APLF: variants seen among roughly 807,000 people sequenced by gnomAD.
APLF encodes aprataxin and PNKP like factor, also known as aprataxin and PNK-like factor.
In APLF, 61 loss-of-function variants were observed where a neutral mutation model predicts 55.6. The ratio of observed to expected loss-of-function variants is 1.10; its 90% CI spans 0.89 to 1.36. The LOEUF (loss-of-function observed/expected upper bound fraction) is 1.36. Ranked by LOEUF, APLF falls within the 40% of genes most tolerant of loss-of-function variation. The pLI, the probability that APLF is intolerant of heterozygous loss-of-function variation, is 0.00. For missense variants in APLF, 611 were observed against 602.5 expected, an observed-to-expected ratio of 1.01 and a Z score of -0.15; for synonymous variants, 207 against 214.8, an observed-to-expected ratio of 0.96 and a Z score of 0.32.
At chr2:68,565,122 A>T (rs1009094378) in intron 8 of APLF, among the ~76,000 whole-genome samples, 2 of 152,130 alleles carry the variant, frequency 1.3e-5, no homozygotes, top group African/African-American at 4.8e-5. Context: ...CAAAGATTCC[A>T]GGGTTATCAG....
At chr2:68,492,884 T>C (rs2103912626) in intron 2 of APLF, among the ~76,000 whole-genome samples, 1 of 152,330 alleles carries the variant, frequency 6.6e-6, no homozygotes, top group South Asian at 2.1e-4. Flanking sequence ...TTGTAAACTT[T>C]CCCATAAATG....
At chr2:68,570,110 G>A (rs960572177) in intron 9 of APLF, among the ~76,000 whole-genome samples, 2 of 151,724 alleles carry the variant, frequency 1.3e-5, no homozygotes, top group South Asian at 2.1e-4. Flanking sequence ...AGTTTATATA[G>A]TGCATTCTGT....
chr2:68,481,830 G>A (rs1675968109), intron 1 of APLF, among the ~76,000 whole-genome samples: 1 of 151,870 alleles, frequency 6.6e-6, no homozygotes, highest in South Asian at 2.1e-4. Flanking sequence ...GGTTATTTCA[G>A]AAGACTTGTC....
At position 68,469,305 on chromosome 2, in the gene APLF, C is replaced by T. The variant is rs569295609; in HGVS notation, c.96+1478C>T. Among the ~76,000 whole-genome samples the T allele has an allele frequency of 3.9e-5, 6 of 152,148 alleles. No individual in the cohort carries two copies. In the South Asian group the frequency reaches 1.0e-3, roughly 26 times the overall value. On this transcript the variant is annotated intron_variant, in intron 1 of 9. Coordinates refer to ENST00000303795, the MANE Select transcript of APLF (RefSeq NM_173545.3). ...AGTTTTGACTTGCTTAAGAAATTGT[C>T]ACCAGTAGAGTACTGTGGGTCTGGT...
intron 8 of APLF, among the ~76,000 whole-genome samples, chr2:68,552,339 C>T (rs939560575): frequency 4.6e-5 from 7 of 152,108 alleles, no homozygotes; most frequent in Admixed American, 3.9e-4. Context: ...TCCAGATGGT[C>T]ATGACAACTC....
intron 5 of APLF, chr2:68,515,672 G>A (rs1157216738): frequency 1.1e-5 from 11 of 983,000 alleles, no homozygotes; most frequent in South Asian, 4.7e-5. Flanking sequence ...CTGGAATATC[G>A]CATGTGTACA....
intron 3 of APLF, among the ~76,000 whole-genome samples, chr2:68,508,353 A>C (rs1338704849): frequency 6.6e-6 from 1 of 151,864 alleles, no homozygotes; most frequent in African/African-American, 2.4e-5. Context: ...CAAGACAATT[A>C]AATGGGGGAA....
At chr2:68,489,495 A>T (rs1676289751) in intron 1 of APLF, among the ~76,000 whole-genome samples, 1 of 152,258 alleles carries the variant, frequency 6.6e-6, no homozygotes, top group Non-Finnish European at 1.5e-5. Context: ...AGCATTTAAC[A>T]TGCAAACAAT....
chr2:68,513,844 AC>A (rs1324754145), intron 5 of APLF, among the ~76,000 whole-genome samples, 164 bp downstream of exon 5: 1 of 151,784 alleles, frequency 6.6e-6, no homozygotes, highest in Non-Finnish European at 1.5e-5. Flanking sequence ...GAAGTCTAAA[AC>A]ATAGGCTATT....
chr2:68,517,001 T>C (rs1341212078), intron 5 of APLF, among the ~76,000 whole-genome samples: 1 of 124,776 alleles, frequency 8.0e-6, no homozygotes, highest in Non-Finnish European at 1.6e-5. Context: ...ATAATATATG[T>C]TAATATATAA....
intron 6 of APLF, among the ~76,000 whole-genome samples, chr2:68,530,461 G>A (rs1430105901): frequency 6.2e-3 from 915 of 147,886 alleles, no homozygotes; most frequent in African/African-American, 0.015. Flanking sequence ...GTTCTTTCTC[G>A]TCTGATGGGA....
chr2:68,539,946 T>C (rs565747442), intron 7 of APLF, among the ~76,000 whole-genome samples: 16 of 151,978 alleles, frequency 1.1e-4, no homozygotes, highest in African/African-American at 3.9e-4. Context: ...AAGGAAAAAA[T>C]AAAACTGTAA....
intron 9 of APLF, among the ~76,000 whole-genome samples, chr2:68,569,387 GT>G (rs1012210280): frequency 1.6e-4 from 25 of 152,132 alleles, no homozygotes; most frequent in Non-Finnish European, 2.9e-4. Context: ...TTTCTTTGCT[GT>G]GTGGGAGATT....
chr2:68,550,406 A>G (rs938611390), intron 8 of APLF, among the ~76,000 whole-genome samples: 19 of 151,962 alleles, frequency 1.3e-4, no homozygotes, highest in African/African-American at 3.9e-4. Flanking sequence ...TAATTTTTGT[A>G]TTTTTAGTAG....
At chr2:68,569,484 T>A (rs1047794391) in intron 9 of APLF, among the ~76,000 whole-genome samples, 2 of 152,064 alleles carry the variant, frequency 1.3e-5, no homozygotes, top group African/African-American at 4.8e-5. Context: ...AGCAAGTGGA[T>A]CATTTTAATT....
At chr2:68,500,766 C>T (rs1217546966) in intron 2 of APLF, among the ~76,000 whole-genome samples, 2 of 152,154 alleles carry the variant, frequency 1.3e-5, no homozygotes, top group Non-Finnish European at 2.9e-5. Context: ...ATGACATACT[C>T]AAGGAAAGGG....
chr2:68,570,778 C>T (rs531393428), intron 9 of APLF, among the ~76,000 whole-genome samples: 71 of 152,228 alleles, frequency 4.7e-4, no homozygotes, highest in African/African-American at 1.7e-3. Context: ...GTCTTTATAG[C>T]AGCATGATTT....
At chr2:68,522,453 A>G (rs540248267) in intron 5 of APLF, among the ~76,000 whole-genome samples, 2 of 152,014 alleles carry the variant, frequency 1.3e-5, no homozygotes, top group East Asian at 1.9e-4. Context: ...GGTTTAGGAC[A>G]TCTCTTATCT....
intron 8 of APLF, chr2:68,563,282 T>G (rs772473338): frequency 3.7e-4 from 360 of 984,722 alleles, no homozygotes; most frequent in Non-Finnish European, 4.2e-4. Flanking sequence ...TTTTTTCCCC[T>G]TTTTAAAATA....
Sources: gnomAD v4.1 joint callset for allele counts (sites outside exome capture counted in the v4.1 genomes callset) on GRCh38, gnomAD v4.1.1 for gene constraint, MANE v1.5 for transcripts, NCBI Gene and HGNC (gene_info 2026-07-23, HGNC 2026-07-21) for gene names.